Variants in MAF observed in about 807,000 individuals in gnomAD.
MAF encodes transcription factor Maf.
In MAF, 10 loss-of-function variants were observed where a neutral mutation model predicts 22.0. That is an observed-to-expected ratio of 0.45 (90% CI 0.28 to 0.77). The LOEUF (loss-of-function observed/expected upper bound fraction) is 0.77. Ranked by LOEUF, MAF falls within the 30% of genes least tolerant of loss-of-function variation. The pLI is 0.12. For synonymous variants in MAF, 337 were observed against 255.8 expected (o/e 1.32, Z -3.03); for missense variants, 544 against 548.4 (o/e 0.99, Z 0.08).
chr16:79,261,206 A>G, the MAF span, among the ~76,000 whole-genome samples: 1 of 152,138 alleles, frequency 6.6e-6, no homozygotes, highest in Non-Finnish European at 1.5e-5. Flanking sequence ...AGGCTGGAGT[A>G]CAATGGCATG....
chr16:79,274,489 T>A, the MAF span, among the ~76,000 whole-genome samples: 2 of 152,124 alleles, frequency 1.3e-5, no homozygotes, highest in African/African-American at 4.8e-5. Flanking sequence ...CTGGAGACTC[T>A]GGTGTCCAGG....
At chr16:79,357,014 T>C in the MAF span, among the ~76,000 whole-genome samples, 1 of 152,116 alleles carries the variant, frequency 6.6e-6, no homozygotes, top group African/African-American at 2.4e-5. Context: ...CCCAGCACTT[T>C]GGGAGGCCAA....
the MAF span, among the ~76,000 whole-genome samples, chr16:79,299,384 G>T: frequency 6.6e-6 from 1 of 151,142 alleles, no homozygotes; most frequent in Non-Finnish European, 1.5e-5. Flanking sequence ...ACCTTCCACT[G>T]TTGAATTAAA....
At chr16:79,315,380 C>T in the MAF span, among the ~76,000 whole-genome samples, 10 of 152,072 alleles carry the variant, frequency 6.6e-5, no homozygotes, top group African/African-American at 2.4e-4. Flanking sequence ...TTTACTAATG[C>T]TAAGAGAAAC....
the MAF span, among the ~76,000 whole-genome samples, chr16:79,213,161 C>T: frequency 1.2e-4 from 18 of 152,248 alleles, no homozygotes; most frequent in Non-Finnish European, 1.8e-4. Flanking sequence ...TCTGGCAAGA[C>T]GGAGAAAATG....
At chr16:79,458,864 A>T in the MAF span, among the ~76,000 whole-genome samples, 4 of 152,226 alleles carry the variant, frequency 2.6e-5, no homozygotes, top group African/African-American at 9.6e-5. Context: ...TTTCTCCCTG[A>T]GGAGGTCTCA....
the MAF span, among the ~76,000 whole-genome samples, chr16:79,338,048 C>A: frequency 6.6e-6 from 1 of 152,188 alleles, no homozygotes; most frequent in Non-Finnish European, 1.5e-5. Flanking sequence ...GAGTCCCTGT[C>A]TTTGAGGAGC....
At chr16:79,293,237 C>T in the MAF span, among the ~76,000 whole-genome samples, 2 of 152,084 alleles carry the variant, frequency 1.3e-5, no homozygotes, top group South Asian at 2.1e-4. Flanking sequence ...CCTGGGGTGT[C>T]CCAGGCCTGA....
the MAF span, among the ~76,000 whole-genome samples, chr16:79,332,604 T>G: frequency 6.6e-6 from 1 of 152,366 alleles, no homozygotes; most frequent in East Asian, 1.9e-4. Flanking sequence ...TGACTCACAA[T>G]AATAATTATG....
chr16:79,590,596 C>A (rs80148058), downstream of MAF, among the ~76,000 whole-genome samples: 4,587 of 152,064 alleles, frequency 0.03, 212 homozygotes, highest in African/African-American at 0.11. Flanking sequence ...AGGGTGCAGA[C>A]CCTGGTGCTA....
the MAF span, among the ~76,000 whole-genome samples, chr16:79,379,180 T>G: frequency 6.6e-6 from 1 of 152,190 alleles, no homozygotes. Flanking sequence ...TCTTACTTGG[T>G]AAAGAGAAAC....
At chr16:79,406,591 T>A in the MAF span, among the ~76,000 whole-genome samples, 14 of 152,158 alleles carry the variant, frequency 9.2e-5, no homozygotes, top group Admixed American at 9.2e-4. Flanking sequence ...TCCACCCTCA[T>A]GATCTGATCA....
the MAF span, among the ~76,000 whole-genome samples, chr16:79,263,413 T>C: frequency 1.3e-5 from 2 of 152,220 alleles, no homozygotes; most frequent in Non-Finnish European, 2.9e-5. Context: ...GAGAAGATAT[T>C]ATCTTTGTTC....
At chr16:79,309,144 A>G in the MAF span, among the ~76,000 whole-genome samples, 2 of 152,190 alleles carry the variant, frequency 1.3e-5, no homozygotes, top group East Asian at 3.9e-4. Context: ...AGCCTTGGAT[A>G]CAGGGGTGCT....
At chr16:79,215,810 G>C in the MAF span, among the ~76,000 whole-genome samples, 1 of 152,112 alleles carries the variant, frequency 6.6e-6, no homozygotes, top group Non-Finnish European at 1.5e-5. Context: ...TACATCTTGG[G>C]TCTGTAGGAG....
At chr16:79,242,346 T>C in the MAF span, among the ~76,000 whole-genome samples, 1 of 149,878 alleles carries the variant, frequency 6.7e-6, no homozygotes, top group Non-Finnish European at 1.5e-5. Context: ...TGGAGGAACA[T>C]TTACCAAGCA....
At chr16:79,257,956 C>T in the MAF span, among the ~76,000 whole-genome samples, 1 of 152,138 alleles carries the variant, frequency 6.6e-6, no homozygotes, top group Admixed American at 6.5e-5. Flanking sequence ...CTAAACTCTG[C>T]CATGATTTCT....
At chr16:79,203,751 A>G in the MAF span, 1 of 152,160 alleles carries the variant, frequency 6.6e-6, no homozygotes, top group South Asian at 2.1e-4. Context: ...TGTAGTATGA[A>G]GATATTCTTT....
the MAF span, among the ~76,000 whole-genome samples, chr16:79,549,550 G>T: frequency 6.6e-6 from 1 of 152,208 alleles, no homozygotes; most frequent in East Asian, 1.9e-4. Context: ...TTCTCTGCCT[G>T]GCCCTTGGCA....
Sources: allele counts gnomAD v4.1 joint callset (sites outside exome capture counted in the v4.1 genomes callset), GRCh38; gene constraint gnomAD v4.1.1; transcripts MANE v1.5; gene names NCBI Gene and HGNC (gene_info 2026-07-23, HGNC 2026-07-21).